POU6F2: variants seen among roughly 807,000 people sequenced by gnomAD.
The protein encoded by POU6F2 is POU class 6 homeobox 2.
A neutral mutation model predicts 71.3 loss-of-function variants in POU6F2; 31 were observed. The ratio of observed to expected loss-of-function variants is 0.43; its 90% CI spans 0.33 to 0.59. The LOEUF (loss-of-function observed/expected upper bound fraction) is 0.59. Ranked by LOEUF, POU6F2 falls within the 20% of genes least tolerant of loss-of-function variation. The pLI is 0.04. For synonymous variants in POU6F2, 347 were observed against 355.7 expected, an observed-to-expected ratio of 0.98 and a Z score of 0.27; for missense variants, 783 against 856.8, an observed-to-expected ratio of 0.91 and a Z score of 1.07.
intron 4 of POU6F2, among the ~76,000 whole-genome samples, chr7:39,261,642 C>T (rs1174293819): frequency 2.0e-5 from 3 of 152,114 alleles, no homozygotes; most frequent in South Asian, 2.1e-4. Context: ...GTGGCAGAGG[C>T]GGGATTTGAA....
intron 4 of POU6F2, among the ~76,000 whole-genome samples, 182 bp downstream of exon 4, chr7:39,207,802 C>T (rs977963631): frequency 4.6e-5 from 7 of 152,200 alleles, no homozygotes; most frequent in African/African-American, 1.4e-4. Context: ...TGAGCCTGCA[C>T]AAGCCATTGG....
At chr7:39,228,424 G>A (rs1023861789) in intron 4 of POU6F2, among the ~76,000 whole-genome samples, 4 of 152,246 alleles carry the variant, frequency 2.6e-5, no homozygotes, top group African/African-American at 4.8e-5. Context: ...GTCCTCTAAC[G>A]TCAAAACCCA....
chr7:39,251,774 A>G (rs1044903785), intron 4 of POU6F2, among the ~76,000 whole-genome samples: 1 of 152,118 alleles, frequency 6.6e-6, no homozygotes, highest in Non-Finnish European at 1.5e-5. Flanking sequence ...CTAAGATTAC[A>G]TGCTCCGGAC....
At chr7:39,148,098 A>G (rs1562723407) in intron 2 of POU6F2, among the ~76,000 whole-genome samples, 3 of 152,212 alleles carry the variant, frequency 2.0e-5, no homozygotes, top group Non-Finnish European at 2.9e-5. Flanking sequence ...CCTTTTAACA[A>G]CTAGGGTGGG....
In POU6F2 at chr7:39,118,064, CTT is replaced by C. The variant is rs557353202; in HGVS notation, c.277+32034_277+32035del. Among the ~76,000 whole-genome samples the C allele has an allele frequency of 1.1e-3, 166 of 152,286 alleles. 1 individual carries two copies. Among genetic ancestry groups the C allele is most frequent in the African/African-American group, 3.8e-3 (156 of 41,576 alleles). ...GAATGCTGATAGCCATCCTTAGACT[CTT>C]ATAATACCGCCTTTCCCATGTCTCC... On this transcript the variant is annotated intron_variant, in intron 2 of 9. Transcript: ENST00000518318.
intron 4 of POU6F2, among the ~76,000 whole-genome samples, chr7:39,274,939 A>C (rs1784408947): frequency 6.6e-6 from 1 of 151,946 alleles, no homozygotes; most frequent in South Asian, 2.1e-4. Context: ...CCCACAGCCA[A>C]TATCATACTG....
intron 2 of POU6F2, among the ~76,000 whole-genome samples, chr7:39,161,834 T>G (rs940912587): frequency 1.3e-5 from 2 of 152,200 alleles, no homozygotes; most frequent in Non-Finnish European, 2.9e-5. Context: ...TCTGTTTAAG[T>G]ACATTTTGCC....
At chr7:39,296,451 T>G (rs1188632916) in intron 4 of POU6F2, among the ~76,000 whole-genome samples, 1 of 152,198 alleles carries the variant, frequency 6.6e-6, no homozygotes, top group Non-Finnish European at 1.5e-5. Flanking sequence ...TCTCCTCACA[T>G]CCAATCTGTT....
Position 39,375,504 on chromosome 7 carries a change from C to T in POU6F2, c.973-31096C>T, listed in dbSNP as rs1786693933. Among the ~76,000 whole-genome samples, 6 of 152,266 alleles carry T rather than the reference C, an allele frequency of 3.9e-5. No individual in the cohort carries two copies. The South Asian group carries it at 1.0e-3, about 26-fold the overall frequency. ...CCCCCAACCTTCCACGGAGGCACCCCCAGAGCCAGCCATGCAGTCCTCTTT... is the reference window on the plus strand; with the variant it reads ...CCCCCAACCTTCCACGGAGGCACCCTCAGAGCCAGCCATGCAGTCCTCTTT... On this transcript the variant is annotated intron_variant, in intron 5 of 9. Transcript: ENST00000518318.
At chr7:39,451,403 C>T (rs1034805467) in intron 7 of POU6F2, 130 bp from the exon 8 acceptor site, 19 of 973,038 alleles carry the variant, frequency 2.0e-5, no homozygotes, top group Middle Eastern at 3.1e-4. Context: ...GTGTAGGGTG[C>T]GCACTCTTCC....
chr7:39,290,306 T>C (rs1784727563), intron 4 of POU6F2, among the ~76,000 whole-genome samples: 1 of 152,144 alleles, frequency 6.6e-6, no homozygotes. Context: ...TGCCACAGCC[T>C]ACCTCTCCCT....
intron 1 of POU6F2, among the ~76,000 whole-genome samples, chr7:38,997,976 G>A (rs552233991): frequency 6.6e-6 from 1 of 152,278 alleles, no homozygotes; most frequent in Non-Finnish European, 1.5e-5. Flanking sequence ...TGTTCTCTGG[G>A]CACTTACATC....
chr7:39,170,556 G>A lies in POU6F2; in HGVS notation c.278-33679G>A, dbSNP rs112776200. Among the ~76,000 whole-genome samples the A allele has an allele frequency of 7.1e-3, 1,080 of 152,066 alleles. 9 individuals are homozygous for A. Among genetic ancestry groups the A allele is most frequent in the African/African-American group, 0.025 (1,035 of 41,484 alleles). On this transcript the variant is annotated intron_variant, in intron 2 of 9. Coordinates refer to ENST00000518318, the MANE Select transcript of POU6F2 (RefSeq NM_001370959.1). Reference sequence around the variant, plus strand: ...GAACAATAGAGATATAATAGATGAAGGCTTACCTAATCCTCATTTAACTAA... The same window carrying A: ...GAACAATAGAGATATAATAGATGAAAGCTTACCTAATCCTCATTTAACTAA...
chr7:39,266,452 C>T (rs540130072), intron 4 of POU6F2, among the ~76,000 whole-genome samples: 44 of 152,240 alleles, frequency 2.9e-4, no homozygotes, highest in Non-Finnish European at 5.4e-4. Context: ...TTTACGTAGC[C>T]TTATGGAATC....
At chr7:38,991,000 T>G (rs1249781823) in intron 1 of POU6F2, among the ~76,000 whole-genome samples, 5 of 152,154 alleles carry the variant, frequency 3.3e-5, no homozygotes, top group Admixed American at 2.0e-4. Flanking sequence ...TGGTTTTCTT[T>G]CTTTCTAGTT....
chr7:39,204,347 T>C, intron 3 of POU6F2, 21 bp downstream of exon 3: 1 of 1,585,892 alleles, frequency 6.3e-7, no homozygotes, highest in Non-Finnish European at 8.7e-7. Context: ...CTCAACTGCT[T>C]TCCACTGGGC....
chr7:39,298,365 A>G (rs1057398662), intron 4 of POU6F2, among the ~76,000 whole-genome samples: 1 of 152,258 alleles, frequency 6.6e-6, no homozygotes, highest in African/African-American at 2.4e-5. Flanking sequence ...ATGAACAGAC[A>G]CTTCTCAAAA....
At chr7:39,296,540 C>T (rs1031248294) in intron 4 of POU6F2, among the ~76,000 whole-genome samples, 3 of 152,152 alleles carry the variant, frequency 2.0e-5, no homozygotes, top group Non-Finnish European at 4.4e-5. Context: ...GGGATAAAAG[C>T]CAAAATCCCT....
chr7:39,117,080 C>T (rs1393593169), intron 2 of POU6F2, among the ~76,000 whole-genome samples: 1 of 152,138 alleles, frequency 6.6e-6, no homozygotes, highest in African/African-American at 2.4e-5. Flanking sequence ...GCATTTCAAT[C>T]TCATACATTT....
Sources: allele counts gnomAD v4.1 joint callset (sites outside exome capture counted in the v4.1 genomes callset), GRCh38; gene constraint gnomAD v4.1.1; transcripts MANE v1.5; gene names NCBI Gene and HGNC (gene_info 2026-07-23, HGNC 2026-07-21).